The following MPRIP variants were observed in gnomAD, a reference collection of about 807,000 sequenced individuals.
The protein encoded by MPRIP is myosin phosphatase Rho-interacting protein.
A neutral mutation model predicts 234.9 loss-of-function variants in MPRIP; 59 were observed. The ratio of observed to expected loss-of-function variants is 0.25; its 90% confidence interval spans 0.20 to 0.31. The LOEUF (loss-of-function observed/expected upper bound fraction) is 0.31. MPRIP is among the 10% of genes least tolerant of loss of function. The pLI is 1.00. For synonymous variants in MPRIP, 1,144 were observed against 1,263.9 expected, an observed-to-expected ratio of 0.91 and a Z score of 2.01; for missense variants, 2,436 against 3,071.0, an observed-to-expected ratio of 0.79 and a Z score of 4.89.
At chr17:17,100,569 C>G (rs2089940290) in intron 3 of MPRIP, among the ~76,000 whole-genome samples, 1 of 152,138 alleles carries the variant, frequency 6.6e-6, no homozygotes, top group Non-Finnish European at 1.5e-5. Context: ...ACTGCCTGAG[C>G]TCCACCTCTT....
At chr17:17,162,875 A>G (rs2045903256) in intron 15 of MPRIP, among the ~76,000 whole-genome samples, 1 of 152,178 alleles carries the variant, frequency 6.6e-6, no homozygotes, top group Non-Finnish European at 1.5e-5. Flanking sequence ...TTCTTGTCCC[A>G]AGTATTTTGG....
At chr17:17,064,796 T>C (rs939329363) in intron 1 of MPRIP, among the ~76,000 whole-genome samples, 2 of 152,220 alleles carry the variant, frequency 1.3e-5, no homozygotes, top group Non-Finnish European at 2.9e-5. Context: ...TTTGGTCTGC[T>C]ACGAACAAAG....
intron 1 of MPRIP, among the ~76,000 whole-genome samples, chr17:17,065,312 A>G (rs2088987952): frequency 1.3e-5 from 2 of 149,380 alleles, no homozygotes; most frequent in East Asian, 1.9e-4. Flanking sequence ...AGTCCAGTTT[A>G]TCCATTTAAA....
rs775123897 is a variant in MPRIP at position 17,158,847 on chromosome 17, A to G, written c.2245A>G (p.Asn749Asp). The change falls in exon 14 of 24, where the codon AAC becomes GAC. Residue 749 changes from asparagine (N) to aspartate (D), a missense_variant. This residue lies in a region of MPRIP where 1,998 missense variants were observed against 2,520.3 expected (regional missense o/e 0.79). Coordinates refer to ENST00000651222, the MANE Select transcript of MPRIP (RefSeq NM_001364716.4). ...GCCTATGAGCGACCTCAAAACGCAT[A>G]ACGTCCACGTGGAGATTGAGCAGCG... is the stretch of plus-strand genomic sequence containing the variant. ...GLPMSDLKTH[N>D]VHVEIEQRWH... is the part of the protein sequence containing the mutation. 6.2e-7 allele frequency: 1 copy of G among 1,611,796 alleles called. No homozygotes were observed. Among genetic ancestry groups the G allele is most frequent in the Non-Finnish European group, 8.5e-7 (1 of 1,179,988 alleles).
chr17:17,043,014 C>G (rs775901618), intron 1 of MPRIP, 43 bp downstream of exon 1: 2 of 1,586,532 alleles, frequency 1.3e-6, no homozygotes, highest in Non-Finnish European at 1.7e-6. Context: ...TTCTGGGAGC[C>G]GCGGGTCGGC....
chr17:17,067,837 C>T (rs1227739934), intron 1 of MPRIP, among the ~76,000 whole-genome samples: 43 of 111,684 alleles, frequency 3.9e-4, no homozygotes, highest in Non-Finnish European at 5.6e-4. Context: ...GAATTAGTGT[C>T]AGTTCCTTAA....
At position 17,164,153 on chromosome 17, in the gene MPRIP, T is replaced by C. The variant is rs147845920; in HGVS notation, c.2562T>C (p.His854=). Residue 854 remains histidine (H), a synonymous_variant, in exon 16 of 24, where the codon CAT becomes CAC. Transcript: ENST00000651222. ...CATCGGGTGCCTGGCAGAGGCTCCA[T>C]AGAGTCAACCAAGACCTTCAAAGTG... is the stretch of plus-strand genomic sequence containing the variant. ...ASPSGAWQRL[H]RVNQDLQSEL... 2.8e-4 allele frequency: 366 copies of C among 1,304,194 alleles called. 4 individuals are homozygous for C. The East Asian group carries it at 0.013, about 47-fold the overall frequency. 80.8% of individuals were successfully genotyped at this position (1,304,194 alleles called of 1,614,324 possible).
chr17:17,058,310 G>T (rs1232727852), intron 1 of MPRIP, among the ~76,000 whole-genome samples: 1 of 152,134 alleles, frequency 6.6e-6, no homozygotes, highest in East Asian at 1.9e-4. Context: ...GGGACCCAGG[G>T]AGGGGATCTA....
chr17:17,104,522 C>G (rs1391391066), intron 3 of MPRIP, among the ~76,000 whole-genome samples: 2 of 152,190 alleles, frequency 1.3e-5, no homozygotes, highest in African/African-American at 4.8e-5. Flanking sequence ...CCCGACCAGT[C>G]CACGGCTGTG....
chr17:17,150,033 G>A lies in MPRIP; in HGVS notation c.1630-111G>A, dbSNP rs1004985889. On this transcript the variant is annotated intron_variant, in intron 11 of 23. Coordinates refer to ENST00000651222, the MANE Select transcript of MPRIP (RefSeq NM_001364716.4). The stretch of plus-strand genomic sequence containing the variant: ...AGACGGTGTCCTCACTTGTCAGTGT[G>A]TATACTATTAAAAGTAAAGTCAGTG... The A allele has an allele frequency of 2.1e-5, 16 of 775,550 alleles. No homozygotes were observed. In the African/African-American group the frequency reaches 2.2e-4, roughly 11 times the overall value. 48.0% of individuals were successfully genotyped at this position (775,550 alleles called of 1,614,324 possible). A position where few individuals can be genotyped will look rare whatever the true frequency, so the allele number is the denominator to read the frequency against.
rs75026999 is a variant in MPRIP, at chr17:17,072,613, G to A, written c.124-3097G>A. ...TGTCCCCTTGAGGAAGGGACATTTCGGGGAAGCCCTGAGGGATGGTAGAGA... is the reference window on the plus strand; with the variant it reads ...TGTCCCCTTGAGGAAGGGACATTTCAGGGAAGCCCTGAGGGATGGTAGAGA... On this transcript the variant is annotated intron_variant, in intron 1 of 23. Coordinates refer to ENST00000651222, the MANE Select transcript of MPRIP (RefSeq NM_001364716.4). Among the ~76,000 whole-genome samples, 318 of 152,308 alleles carry A rather than the reference G, an allele frequency of 2.1e-3. 2 individuals carry two copies. The East Asian group carries it at 0.053, about 26-fold the overall frequency.
At chr17:17,103,191 A>G (rs997484102) in intron 3 of MPRIP, among the ~76,000 whole-genome samples, 10 of 152,226 alleles carry the variant, frequency 6.6e-5, no homozygotes, top group Non-Finnish European at 1.3e-4. Context: ...CACTCTGGCC[A>G]TGGGGTCTTT....
At chr17:17,081,075 C>T (rs78961289) in intron 3 of MPRIP, among the ~76,000 whole-genome samples, 4,099 of 152,310 alleles carry the variant, frequency 0.027, 106 homozygotes, top group East Asian at 0.12. Flanking sequence ...CTAAGCAGCC[C>T]GTGGCTACCT....
At chr17:17,159,317 G>C (rs192792583) in intron 14 of MPRIP, among the ~76,000 whole-genome samples, 1 of 152,242 alleles carries the variant, frequency 6.6e-6, no homozygotes, top group Non-Finnish European at 1.5e-5. Context: ...TCTGACTCCC[G>C]ATGGCAGGAG....
chr17:17,078,576 G>A lies in MPRIP; in HGVS notation c.267+500G>A, dbSNP rs1270859037. On this transcript the variant is annotated intron_variant, in intron 3 of 23. Coordinates refer to ENST00000651222, the MANE Select transcript of MPRIP (RefSeq NM_001364716.4). This position sits in a 1 kb window ranked among gnomAD's most constrained non-coding sequence, Gnocchi z 4.3. ...GACTTCAGAGGCCTCCTGGTCACAA[G>A]GTCATCGTTCTTCTGGTCACTAAAC... is the stretch of plus-strand genomic sequence containing the variant. Among the ~76,000 whole-genome samples, 2 of 152,204 alleles carry A rather than the reference G, an allele frequency of 1.3e-5. No homozygotes were observed. The highest frequency in any genetic ancestry group is 4.8e-5 in the African/African-American group (2 of 41,448).
In MPRIP at chr17:17,042,957, G is replaced by A; in HGVS notation, c.109G>A (p.Glu37Lys). The change falls in exon 1 of 24, where the codon GAG (glutamate) becomes AAG (lysine). Residue 37 changes from glutamate to lysine, a missense_variant. This residue lies in a region of MPRIP where 140 missense variants were observed against 207.3 expected (regional missense o/e 0.68). Transcript: ENST00000651222. ...CCGCGAGTCGCATCTGCTCAACGAC[G>A]AGGACCTGACGCAGGTGAGCGACTG... The part of the protein sequence containing the change: ...KPRESHLLND[E>K]DLTQAKPIYG... 6.2e-7 allele frequency: 1 copy of A among 1,610,634 alleles called. No individual in the cohort carries two copies. The highest frequency in any genetic ancestry group is 1.1e-5 in the South Asian group (1 of 90,968).
chr17:17,073,136 A>G (rs1453324665), intron 1 of MPRIP, among the ~76,000 whole-genome samples: 3 of 151,830 alleles, frequency 2.0e-5, no homozygotes, highest in Non-Finnish European at 4.4e-5. Flanking sequence ...TCTGCTCTCT[A>G]TCACTCTGGA....
intron 13 of MPRIP, among the ~76,000 whole-genome samples, chr17:17,157,645 A>G (rs2045758142): frequency 6.6e-6 from 1 of 152,152 alleles, no homozygotes; most frequent in South Asian, 2.1e-4. Flanking sequence ...CCTGGCCAAC[A>G]TGGAGAAACC....
chr17:17,170,581 C>T (rs537794736), intron 16 of MPRIP, among the ~76,000 whole-genome samples: 6 of 152,238 alleles, frequency 3.9e-5, no homozygotes, highest in Non-Finnish European at 8.8e-5. Context: ...GATAGGATTT[C>T]TTGGTATCCT....
Sources: gnomAD v4.1 joint callset for allele counts (sites outside exome capture counted in the v4.1 genomes callset) on GRCh38, gnomAD v4.1.1 for gene constraint, gnomAD v4.1.1 regional missense constraint, Gnocchi (gnomAD v3.1) non-coding constraint, MANE v1.5 for transcripts, NCBI Gene and HGNC (gene_info 2026-07-23, HGNC 2026-07-21) for gene names.